TMCO5A: variants seen among roughly 807,000 people sequenced by gnomAD.
TMCO5A encodes the protein transmembrane and coiled-coil domains 5A.
TMCO5A carries 34 observed loss-of-function variants against 42.3 expected under a neutral mutation model. That is an observed-to-expected ratio of 0.80 (90% CI 0.61 to 1.07). The LOEUF (loss-of-function observed/expected upper bound fraction) is 1.07, where lower values mean the gene tolerates loss of function less well. Ranked by LOEUF, TMCO5A falls within the 50% of genes least tolerant of loss-of-function variation. TMCO5A has a pLI of 0.00. For synonymous variants in TMCO5A, 131 were observed against 115.6 expected, an observed-to-expected ratio of 1.13 and a Z score of -0.86; for missense variants, 357 against 327.9, an observed-to-expected ratio of 1.09 and a Z score of -0.69.
chr15:38,010,425 T>TCACACACACACA, the TMCO5A span, among the ~76,000 whole-genome samples: 4,858 of 117,244 alleles, frequency 0.041, 145 homozygotes, highest in African/African-American at 0.079. Context: ...CAGAGGGAGA[T>TCACACACACACA]CACACACACA....
Position 37,941,717 on chromosome 15 carries a change from C to T in TMCO5A, c.491C>T (p.Ala164Val). Reference sequence around the variant, plus strand: ...GTGACCCAGCTCTGTGAAGATCAAGCCCTCTACATAAAGGTAGAGCTTCTT... The same window carrying T: ...GTGACCCAGCTCTGTGAAGATCAAGTCCTCTACATAAAGGTAGAGCTTCTT... ...AFVTQLCEDQ[A>V]LYIKKYQETL... Residue 164 changes from alanine (A) to valine (V), a missense_variant, in exon 8 of 12, where the codon GCC becomes GTC. Ala to Val is a moderately conservative substitution (Grantham distance 64, BLOSUM62 0). Transcript: ENST00000319669. 6.2e-7 allele frequency: 1 copy of T among 1,611,204 alleles called. No homozygotes were observed. The highest frequency in any genetic ancestry group is 2.2e-5 in the East Asian group (1 of 44,782).
the TMCO5A span, among the ~76,000 whole-genome samples, chr15:37,989,835 A>G: frequency 6.6e-6 from 1 of 152,032 alleles, no homozygotes; most frequent in Non-Finnish European, 1.5e-5. Context: ...CGGTCCTCAC[A>G]CAGCATAGGA....
At chr15:38,014,194 A>C in the TMCO5A span, among the ~76,000 whole-genome samples, 31,336 of 152,092 alleles carry the variant, frequency 0.21, 3,626 homozygotes, top group Non-Finnish European at 0.26. Flanking sequence ...TAGGTTCTGG[A>C]TACTAAGGCA....
chr15:37,944,763 T>C (rs1889875088), intron 10 of TMCO5A, among the ~76,000 whole-genome samples: 1 of 152,068 alleles, frequency 6.6e-6, no homozygotes, highest in African/African-American at 2.4e-5. Context: ...TAATTCCTCT[T>C]TTTATCTCAC....
At chr15:37,987,876 CTT>C in the TMCO5A span, among the ~76,000 whole-genome samples, 1 of 151,740 alleles carries the variant, frequency 6.6e-6, no homozygotes, top group South Asian at 2.1e-4. Context: ...TTAGGATAAA[CTT>C]TTCTATTTCT....
chr15:37,977,822 G>A, the TMCO5A span, among the ~76,000 whole-genome samples: 1 of 152,200 alleles, frequency 6.6e-6, no homozygotes, highest in African/African-American at 2.4e-5. Flanking sequence ...GAGAAATGCA[G>A]GGCCCTTACC....
the TMCO5A span, among the ~76,000 whole-genome samples, chr15:38,028,455 CT>C: frequency 1.3e-5 from 2 of 152,264 alleles, no homozygotes; most frequent in East Asian, 3.9e-4. Context: ...GCAGTTGCCC[CT>C]GAGACAAGAG....
intron 11 of TMCO5A, among the ~76,000 whole-genome samples, chr15:37,948,992 C>G (rs1890062673): frequency 6.6e-6 from 1 of 151,892 alleles, no homozygotes; most frequent in African/African-American, 2.4e-5. Flanking sequence ...GGGAAAGGGG[C>G]TGTTTTTGAC....
chr15:38,037,862 A>C, the TMCO5A span, among the ~76,000 whole-genome samples: 1 of 151,928 alleles, frequency 6.6e-6, no homozygotes, highest in East Asian at 1.9e-4. Context: ...AAAATACAAA[A>C]ATTAGCCTGG....
intron 10 of TMCO5A, among the ~76,000 whole-genome samples, chr15:37,945,619 T>C (rs1488754335): frequency 1.3e-5 from 2 of 152,202 alleles, no homozygotes; most frequent in African/African-American, 4.8e-5. Context: ...ATTTCTCTAA[T>C]GATCAGTAAT....
chr15:38,004,212 G>A, the TMCO5A span, among the ~76,000 whole-genome samples: 2 of 151,976 alleles, frequency 1.3e-5, no homozygotes, highest in Non-Finnish European at 2.9e-5. Flanking sequence ...TGTGAGCTAG[G>A]GCCTAGAAAA....
the TMCO5A span, among the ~76,000 whole-genome samples, chr15:37,984,251 G>A: frequency 3.9e-5 from 6 of 152,144 alleles, no homozygotes; most frequent in African/African-American, 1.4e-4. Flanking sequence ...TGAGGGAGGA[G>A]GTGGTAAGTG....
chr15:37,947,177 C>A (rs1326295877), intron 10 of TMCO5A, among the ~76,000 whole-genome samples: 1 of 152,152 alleles, frequency 6.6e-6, no homozygotes, highest in Admixed American at 6.5e-5. Context: ...TATGTTGAAC[C>A]AAACTTGCAT....
chr15:37,973,609 T>C, the TMCO5A span, among the ~76,000 whole-genome samples: 1 of 152,200 alleles, frequency 6.6e-6, no homozygotes, highest in Non-Finnish European at 1.5e-5. Flanking sequence ...TTTTTGTGCA[T>C]TGATTTTGTA....
At chr15:37,974,605 C>T in the TMCO5A span, among the ~76,000 whole-genome samples, 1 of 152,010 alleles carries the variant, frequency 6.6e-6, no homozygotes, top group Non-Finnish European at 1.5e-5. Context: ...GTAATGTCCT[C>T]TTTATTTCTG....
chr15:37,970,605 T>C (rs1890654863), downstream of TMCO5A, among the ~76,000 whole-genome samples: 1 of 152,240 alleles, frequency 6.6e-6, no homozygotes, highest in African/African-American at 2.4e-5. Flanking sequence ...CAAAGTCTCA[T>C]TGGAGACAAG....
chr15:37,992,740 G>A, the TMCO5A span, among the ~76,000 whole-genome samples: 4 of 152,104 alleles, frequency 2.6e-5, no homozygotes, highest in East Asian at 1.9e-4. Flanking sequence ...GCAAATTAAC[G>A]TAAGAACAGA....
At chr15:38,020,348 T>G in the TMCO5A span, 1 of 152,208 alleles carries the variant, frequency 6.6e-6, no homozygotes, top group Admixed American at 6.5e-5. Flanking sequence ...AGGAAAGAAA[T>G]AACTTCATAG....
At chr15:38,036,852 C>T in the TMCO5A span, among the ~76,000 whole-genome samples, 3 of 152,102 alleles carry the variant, frequency 2.0e-5, no homozygotes, top group Non-Finnish European at 4.4e-5. Context: ...GTGTTTTATT[C>T]ATCTTTGTAT....
Sources: allele counts gnomAD v4.1 joint callset (sites outside exome capture counted in the v4.1 genomes callset), GRCh38; gene constraint gnomAD v4.1.1; transcripts MANE v1.5; gene names NCBI Gene and HGNC (gene_info 2026-07-23, HGNC 2026-07-21).